GRIA2: variants seen among roughly 807,000 people sequenced by gnomAD.
GRIA2 encodes glutamate receptor 2.
Under a neutral mutation model 97.3 loss-of-function variants are expected in GRIA2, and 14 were observed. The observed-to-expected ratio is 0.14, with a 90% CI of 0.10 to 0.23. The LOEUF is 0.23. Among genes scored for constraint, GRIA2 ranks in the 10% least tolerant of loss-of-function variants. The pLI is 1.00. For missense variants in GRIA2, 558 were observed against 1,069.8 expected, an observed-to-expected ratio of 0.52 and a Z score of 6.67; for synonymous variants, 412 against 387.8, an observed-to-expected ratio of 1.06 and a Z score of -0.73.
intron 2 of GRIA2, among the ~76,000 whole-genome samples, chr4:157,273,396 C>T (rs1732124123): frequency 6.6e-6 from 1 of 151,904 alleles, no homozygotes; most frequent in African/African-American, 2.4e-5. Flanking sequence ...GCATCAGAAC[C>T]AGAGTCAGAT....
rs1258016868 is a variant in GRIA2, at chr4:157,334,441, G to A, written c.1266+321G>A. ...GTTATTCACCTTTCCATTCCCACCC[G>A]ATACTGTGTAAATTCTTTCTTTCCC... On this transcript the variant is annotated intron_variant, in intron 9 of 15. Coordinates refer to ENST00000264426, the MANE Select transcript of GRIA2 (RefSeq NM_001083619.3). The A allele has an allele frequency of 3.5e-5, 7 of 200,922 alleles. No homozygotes were observed. The East Asian group carries it at 7.0e-4, about 20-fold the overall frequency. The allele number at this position is 200,922 out of a possible 1,614,324, so 12.4% of individuals were successfully genotyped here.
At chr4:157,304,623 G>A (rs528017507) in intron 3 of GRIA2, among the ~76,000 whole-genome samples, 7 of 152,208 alleles carry the variant, frequency 4.6e-5, no homozygotes, top group Admixed American at 6.5e-5. Flanking sequence ...GAGAGTATCC[G>A]TAAATCAAAG....
At chr4:157,355,902 AAT>A (rs377573622) in intron 12 of GRIA2, among the ~76,000 whole-genome samples, 63,487 of 70,940 alleles carry the variant, frequency 0.89, 28,118 homozygotes, top group East Asian at 0.98. Context: ...TTTATATATA[AAT>A]ATATATATAT....
At chr4:157,326,137 C>T (rs1311168659) in intron 6 of GRIA2, among the ~76,000 whole-genome samples, 2 of 152,168 alleles carry the variant, frequency 1.3e-5, no homozygotes, top group African/African-American at 4.8e-5. Flanking sequence ...TACTTTAGGG[C>T]CTTTGAACTG....
At chr4:157,250,073 A>G (rs1216332054) in intron 2 of GRIA2, among the ~76,000 whole-genome samples, 1 of 152,164 alleles carries the variant, frequency 6.6e-6, no homozygotes, top group Non-Finnish European at 1.5e-5. Flanking sequence ...CGTTAATGGG[A>G]CTGCCAATAA....
chr4:157,221,828 C>A, intron 2 of GRIA2, 21 bp downstream of exon 2: 3 of 1,611,092 alleles, frequency 1.9e-6, no homozygotes, highest in Non-Finnish European at 2.5e-6. Flanking sequence ...AATATTCATG[C>A]CTTTCGGGTG....
intron 5 of GRIA2, among the ~76,000 whole-genome samples, chr4:157,320,860 T>C (rs1579360789): frequency 6.6e-6 from 1 of 152,148 alleles, no homozygotes; most frequent in African/African-American, 2.4e-5. Flanking sequence ...ACTGAATTCA[T>C]TGCAATAACA....
chr4:157,250,054 G>C (rs998137056), intron 2 of GRIA2, among the ~76,000 whole-genome samples: 11 of 152,096 alleles, frequency 7.2e-5, no homozygotes, highest in Non-Finnish European at 1.5e-4. Flanking sequence ...ATTGGAATTA[G>C]TGGTTATGCG....
At chr4:157,323,336 C>CAAAAAAAAAAAA (rs779080483) in intron 6 of GRIA2, among the ~76,000 whole-genome samples, 3 of 51,474 alleles carry the variant, frequency 5.8e-5, no homozygotes, top group Non-Finnish European at 9.5e-5. Flanking sequence ...GACTCTGTCT[C>CAAAAAAAAAAAA]AAAAAAAAAA....
intron 6 of GRIA2, among the ~76,000 whole-genome samples, chr4:157,324,672 T>G (rs959260012): frequency 6.6e-6 from 1 of 152,082 alleles, no homozygotes; most frequent in Non-Finnish European, 1.5e-5. Flanking sequence ...ATGTAAATAT[T>G]TGGGACCAGT....
At chr4:157,249,266 A>C (rs1730919521) in intron 2 of GRIA2, among the ~76,000 whole-genome samples, 1 of 152,166 alleles carries the variant, frequency 6.6e-6, no homozygotes. Flanking sequence ...TGTGTACTTC[A>C]TAATTTGAAT....
chr4:157,362,320 T>C, intron 14 of GRIA2: 1 of 449,280 alleles, frequency 2.2e-6, no homozygotes, highest in Non-Finnish European at 4.5e-6. Context: ...ATTGGAAATG[T>C]GGTCAGTCCT....
At chr4:157,247,449 C>T (rs1316863827) in intron 2 of GRIA2, among the ~76,000 whole-genome samples, 4 of 152,022 alleles carry the variant, frequency 2.6e-5, no homozygotes, top group African/African-American at 9.7e-5. Flanking sequence ...GTAAGGTGCC[C>T]AGAAATGTAC....
At chr4:157,253,431 T>A (rs1236125606) in intron 2 of GRIA2, among the ~76,000 whole-genome samples, 1 of 152,110 alleles carries the variant, frequency 6.6e-6, no homozygotes, top group Non-Finnish European at 1.5e-5. Context: ...TTTGTTTTAA[T>A]GTAAAATACA....
chr4:157,313,559 A>G (rs1379069290), intron 4 of GRIA2, among the ~76,000 whole-genome samples: 2 of 151,990 alleles, frequency 1.3e-5, no homozygotes, highest in African/African-American at 4.8e-5. Flanking sequence ...AGGGTAGGGG[A>G]GCCATGCAGT....
At position 157,335,667 on chromosome 4, in the gene GRIA2, A is replaced by G; in HGVS notation, c.1267-4A>G. The G allele has an allele frequency of 1.3e-6, 2 of 1,564,050 alleles. No individual in the cohort carries two copies. Among genetic ancestry groups the G allele is most frequent in the Non-Finnish European group, 8.8e-7 (1 of 1,134,844 alleles). ...ATCAGCTAAAGCAAAGTCTTTTCAT[A>G]TAGGAATCTCCGTATGTTATGATGA... On this transcript the variant is annotated splice_polypyrimidine_tract_variant and splice_region_variant and intron_variant, in intron 9 of 15. Coordinates refer to ENST00000264426, the MANE Select transcript of GRIA2 (RefSeq NM_001083619.3).
At chr4:157,297,645 G>T (rs749266976) in intron 2 of GRIA2, among the ~76,000 whole-genome samples, 1 of 152,062 alleles carries the variant, frequency 6.6e-6, no homozygotes, top group Non-Finnish European at 1.5e-5. Context: ...TTAGCCCCTA[G>T]AGCTGCTGTT....
At position 157,221,689 on chromosome 4, in the gene GRIA2, C is replaced by A. The variant is rs754868379; in HGVS notation, c.111C>A (p.Ala37=). The part of the protein sequence containing the change: ...IQIGGLFPRG[A]DQEYSAFRVG... ...CAGGGGGGCTATTTCCTAGGGGCGC[C>A]GATCAAGAATACAGTGCATTTCGAG... Residue 37 remains alanine, a synonymous_variant, in exon 2 of 16, where the codon GCC becomes GCA. Coordinates refer to ENST00000264426, the MANE Select transcript of GRIA2 (RefSeq NM_001083619.3). 2 of 1,613,952 alleles carry A rather than the reference C, an allele frequency of 1.2e-6. No individual in the cohort carries two copies. The highest frequency in any genetic ancestry group is 2.2e-5 in the South Asian group (2 of 91,076).
chr4:157,361,715 C>A lies in GRIA2; in HGVS notation c.2406+591C>A. The A allele has an allele frequency of 8.8e-7, 1 of 1,141,444 alleles. No individual in the cohort carries two copies. Among genetic ancestry groups the A allele is most frequent in the Non-Finnish European group, 1.3e-6 (1 of 755,258 alleles). The allele number at this position is 1,141,444 out of a possible 1,614,324, so 70.7% of individuals were successfully genotyped here. On this transcript the variant is annotated intron_variant, in intron 14 of 15. Coordinates refer to ENST00000264426, the MANE Select transcript of GRIA2 (RefSeq NM_001083619.3). This position sits in a 1 kb window ranked among gnomAD's most constrained non-coding sequence, Gnocchi z 5.2. ...AAACACAAACAGCAAAATCAAACCA[C>A]AAGTGTGTTAGTGGGAATGACCCAT...
Sources: allele counts gnomAD v4.1 joint callset (sites outside exome capture counted in the v4.1 genomes callset), GRCh38; gene constraint gnomAD v4.1.1; non-coding constraint Gnocchi (gnomAD v3.1); transcripts MANE v1.5; gene names NCBI Gene and HGNC (gene_info 2026-07-23, HGNC 2026-07-21).